The following ARHGAP15 variants were observed in gnomAD, a reference collection of about 807,000 sequenced individuals.
ARHGAP15 encodes the protein Rho GTPase activating protein 15.
Under a neutral mutation model 63.7 loss-of-function variants are expected in ARHGAP15, and 51 were observed. The ratio of observed to expected loss-of-function variants is 0.80; its 90% CI spans 0.64 to 1.01. The LOEUF (loss-of-function observed/expected upper bound fraction) is 1.01, where lower values mean the gene tolerates loss of function less well. Ranked by LOEUF, ARHGAP15 falls within the 50% of genes least tolerant of loss-of-function variation. The pLI is 0.00. For missense variants in ARHGAP15, 560 were observed against 564.6 expected (o/e 0.99, Z 0.08); for synonymous variants, 191 against 193.8 (o/e 0.99, Z 0.12).
At chr2:143,615,699 G>A (rs761328418) in intron 11 of ARHGAP15, among the ~76,000 whole-genome samples, 11 of 152,246 alleles carry the variant, frequency 7.2e-5, no homozygotes, top group Middle Eastern at 3.4e-3. Flanking sequence ...ATTTGCAAAC[G>A]TAATATAACT....
Position 143,207,495 on chromosome 2 carries a change from A to AACAC in ARHGAP15, c.234+5319_234+5322dup, listed in dbSNP as rs70982851. On this transcript the variant is annotated intron_variant, in intron 3 of 13. Coordinates refer to ENST00000295095, the MANE Select transcript of ARHGAP15 (RefSeq NM_018460.4). ...TCCCATTGACACACACACACACATA[A>AACAC]ACACACACACACACACACACACACA... is the stretch of plus-strand genomic sequence containing the variant. 4.1e-3 allele frequency among the ~76,000 whole-genome samples: 603 copies of AACAC among 145,854 alleles called. 2 individuals carry two copies. The highest frequency in any genetic ancestry group is 0.021 in the Middle Eastern group (6 of 284).
rs866673594 is a variant in ARHGAP15, at chr2:143,666,841, A to T, written c.1139-36578A>T. ...AAAATGCTCATCATCACTGGCCATC[A>T]GAGAAATGCAAATCTAAACCGCAAT... On this transcript the variant is annotated intron_variant, in intron 12 of 13. Transcript: ENST00000295095. 4.4e-4 allele frequency among the ~76,000 whole-genome samples: 66 copies of T among 149,746 alleles called. 6 individuals carry two copies. Among genetic ancestry groups the T allele is most frequent in the African/African-American group, 1.7e-3 (65 of 39,238 alleles).
intron 1 of ARHGAP15, among the ~76,000 whole-genome samples, chr2:143,153,870 C>T (rs77526979): frequency 1.3e-3 from 99 of 77,884 alleles, no homozygotes; most frequent in African/African-American, 3.4e-3. Flanking sequence ...CCTCCTCCTC[C>T]TCTTCCTCCT....
At chr2:143,287,733 G>A (rs1172623190) in intron 6 of ARHGAP15, among the ~76,000 whole-genome samples, 2 of 152,064 alleles carry the variant, frequency 1.3e-5, no homozygotes, top group East Asian at 1.9e-4. Flanking sequence ...CACCCAGGAG[G>A]TGGAGGTTGC....
intron 11 of ARHGAP15, among the ~76,000 whole-genome samples, chr2:143,584,308 AT>A (rs1401662750): frequency 1.3e-5 from 2 of 152,126 alleles, no homozygotes; most frequent in South Asian, 2.1e-4. Flanking sequence ...TTGCAATATA[AT>A]CTGGATAATT....
intron 11 of ARHGAP15, among the ~76,000 whole-genome samples, chr2:143,570,650 G>A (rs1412255832): frequency 6.6e-6 from 1 of 152,190 alleles, no homozygotes; most frequent in East Asian, 1.9e-4. Flanking sequence ...ATTGAACTCA[G>A]TTCCAAAAAC....
intron 12 of ARHGAP15, among the ~76,000 whole-genome samples, chr2:143,667,969 C>T (rs1486505242): frequency 2.6e-5 from 4 of 151,810 alleles, no homozygotes; most frequent in African/African-American, 9.7e-5. Context: ...GCCTGGGTGA[C>T]AGAGCAAGAC....
chr2:143,660,526 A>G (rs1681705191), intron 12 of ARHGAP15, among the ~76,000 whole-genome samples: 1 of 152,266 alleles, frequency 6.6e-6, no homozygotes. Flanking sequence ...CGTAAGAATA[A>G]GAATGAACCC....
chr2:143,529,956 C>A (rs368758630), intron 10 of ARHGAP15, among the ~76,000 whole-genome samples: 2 of 152,102 alleles, frequency 1.3e-5, no homozygotes, highest in East Asian at 1.9e-4. Flanking sequence ...GGTTGGATCA[C>A]CCCGTCCCCA....
At chr2:143,543,741 G>A (rs1165586915) in intron 10 of ARHGAP15, among the ~76,000 whole-genome samples, 28 of 152,064 alleles carry the variant, frequency 1.8e-4, no homozygotes, top group Admixed American at 1.8e-3. Context: ...AAATCCCCCA[G>A]AAGCTGAAAA....
At chr2:143,525,068 C>T (rs1225559793) in intron 10 of ARHGAP15, among the ~76,000 whole-genome samples, 1 of 152,164 alleles carries the variant, frequency 6.6e-6, no homozygotes, top group African/African-American at 2.4e-5. Flanking sequence ...CCCGAAACTG[C>T]AGATCATATT....
intron 11 of ARHGAP15, among the ~76,000 whole-genome samples, chr2:143,622,447 G>A (rs1233958597): frequency 1.3e-5 from 2 of 152,122 alleles, no homozygotes; most frequent in Admixed American, 1.3e-4. Flanking sequence ...AACCCCATCA[G>A]GTCTCCCTTT....
At chr2:143,460,460 A>G (rs1690881741) in intron 8 of ARHGAP15, among the ~76,000 whole-genome samples, 1 of 152,204 alleles carries the variant, frequency 6.6e-6, no homozygotes, top group Non-Finnish European at 1.5e-5. Context: ...ATATATCTAG[A>G]CACTGAAAAC....
chr2:143,633,961 T>C (rs1447034231), intron 12 of ARHGAP15, among the ~76,000 whole-genome samples: 1 of 152,110 alleles, frequency 6.6e-6, no homozygotes, highest in Non-Finnish European at 1.5e-5. Flanking sequence ...GTCTCTCCTA[T>C]TTCCCATATT....
intron 9 of ARHGAP15, among the ~76,000 whole-genome samples, chr2:143,487,778 A>G (rs949413076): frequency 7.2e-5 from 11 of 152,156 alleles, no homozygotes; most frequent in African/African-American, 2.7e-4. Context: ...GTGTCCTGCT[A>G]GAATGATACC....
At chr2:143,568,215 C>T (rs1360881884) in intron 11 of ARHGAP15, among the ~76,000 whole-genome samples, 3 of 152,052 alleles carry the variant, frequency 2.0e-5, no homozygotes, top group Non-Finnish European at 4.4e-5. Context: ...AAAGAAACTA[C>T]CATCAGAGTG....
intron 8 of ARHGAP15, among the ~76,000 whole-genome samples, chr2:143,471,202 ATG>A (rs1249959819): frequency 2.1e-5 from 3 of 141,772 alleles, no homozygotes; most frequent in African/African-American, 7.7e-5. Flanking sequence ...ACACACATAT[ATG>A]TGTGTATATA....
intron 11 of ARHGAP15, among the ~76,000 whole-genome samples, chr2:143,563,754 A>G (rs1459360267): frequency 6.6e-6 from 1 of 152,220 alleles, no homozygotes; most frequent in Non-Finnish European, 1.5e-5. Context: ...ATCAAAATTA[A>G]TAAGTAGTTA....
intron 11 of ARHGAP15, among the ~76,000 whole-genome samples, chr2:143,600,311 A>C (rs1697714828): frequency 6.6e-6 from 1 of 152,122 alleles, no homozygotes; most frequent in African/African-American, 2.4e-5. Context: ...CTCCATCTTC[A>C]ATAGTTCCTA....
Sources: allele counts gnomAD v4.1 joint callset (sites outside exome capture counted in the v4.1 genomes callset), GRCh38; gene constraint gnomAD v4.1.1; transcripts MANE v1.5; gene names NCBI Gene and HGNC (gene_info 2026-07-23, HGNC 2026-07-21).